Variants in UNC5D observed in about 807,000 individuals in gnomAD.
UNC5D encodes the protein netrin receptor UNC5D.
Under a neutral mutation model 105.4 loss-of-function variants are expected in UNC5D, and 39 were observed. The observed-to-expected ratio is 0.37, with a 90% CI of 0.29 to 0.48. The LOEUF is 0.48. UNC5D is among the 20% of genes least tolerant of loss of function. The probability of loss-of-function intolerance (pLI) is 0.98; values close to 1 mark genes in which losing one functional copy is unlikely to be tolerated. For missense variants in UNC5D, 991 were observed against 1,202.4 expected (o/e 0.82, Z 2.60); for synonymous variants, 452 against 450.4 (o/e 1.00, Z -0.04).
chr8:35,248,890 A>G (rs1284778410), intron 1 of UNC5D, among the ~76,000 whole-genome samples: 2 of 93,834 alleles, frequency 2.1e-5, no homozygotes, highest in East Asian at 3.2e-4. Flanking sequence ...AATATATTAT[A>G]TAAATATATA....
At chr8:35,249,140 T>C (rs1222400097) in intron 1 of UNC5D, among the ~76,000 whole-genome samples, 1 of 135,678 alleles carries the variant, frequency 7.4e-6, no homozygotes, top group Non-Finnish European at 1.5e-5. Flanking sequence ...TATATAATTA[T>C]ATATAAAATC....
chr8:35,737,934 C>T (rs1463168858), intron 11 of UNC5D, among the ~76,000 whole-genome samples: 2 of 152,036 alleles, frequency 1.3e-5, no homozygotes, highest in African/African-American at 4.8e-5. Flanking sequence ...TGGAAAAACC[C>T]AGTCTCTACT....
rs1803358570 is a variant in UNC5D, at chr8:35,385,810, T to A, written c.103+149923T>A. Among the ~76,000 whole-genome samples, 2 of 152,154 alleles carry A rather than the reference T, an allele frequency of 1.3e-5. 1 individual carries two copies. The highest frequency in any genetic ancestry group is 4.1e-4 in the South Asian group (2 of 4,820). On this transcript the variant is annotated intron_variant, in intron 1 of 16. Transcript: ENST00000404895. ...ACAACAGTAGGCACTTTCTTCAGAT[T>A]TATGCAGAAATTTAGTTAATAAAGA...
chr8:35,453,842 C>T (rs1427858909), intron 1 of UNC5D, among the ~76,000 whole-genome samples: 1 of 152,120 alleles, frequency 6.6e-6, no homozygotes, highest in Non-Finnish European at 1.5e-5. Context: ...CTTCCTTTAG[C>T]TGGAGTATAA....
At chr8:35,597,116 G>A (rs759172067) in intron 4 of UNC5D, among the ~76,000 whole-genome samples, 2 of 152,162 alleles carry the variant, frequency 1.3e-5, no homozygotes, top group Non-Finnish European at 2.9e-5. Flanking sequence ...CAAAAAAGGA[G>A]ATAAAATAAA....
intron 4 of UNC5D, among the ~76,000 whole-genome samples, chr8:35,645,918 T>TACACAC (rs148598526): frequency 2.0e-5 from 3 of 150,342 alleles, no homozygotes; most frequent in African/African-American, 4.9e-5. Flanking sequence ...TCCTTTAGAT[T>TACACAC]ACACACACAC....
chr8:35,674,411 G>T (rs1294233429), intron 4 of UNC5D, among the ~76,000 whole-genome samples: 1 of 152,008 alleles, frequency 6.6e-6, no homozygotes, highest in African/African-American at 2.4e-5. Context: ...GTTTGTGTAT[G>T]TGTGTGTGTA....
intron 1 of UNC5D, among the ~76,000 whole-genome samples, chr8:35,460,459 A>G (rs1244461101): frequency 2.0e-5 from 3 of 152,200 alleles, no homozygotes; most frequent in Non-Finnish European, 4.4e-5. Context: ...TGGAAATTAC[A>G]CCAGGACCAC....
chr8:35,659,934 A>C (rs1824009931), intron 4 of UNC5D, among the ~76,000 whole-genome samples: 1 of 152,220 alleles, frequency 6.6e-6, no homozygotes, highest in Non-Finnish European at 1.5e-5. Flanking sequence ...AGTCAGCTTC[A>C]AGGACAAGAA....
intron 1 of UNC5D, among the ~76,000 whole-genome samples, chr8:35,490,795 T>G (rs1811164469): frequency 6.6e-6 from 1 of 152,216 alleles, no homozygotes; most frequent in African/African-American, 2.4e-5. Context: ...GGTTTTGAGC[T>G]GTTTGTTATT....
chr8:35,413,292 T>TGTTGTGTGTG (rs56157732), intron 1 of UNC5D, among the ~76,000 whole-genome samples: 1,703 of 128,004 alleles, frequency 0.013, 15 homozygotes, highest in Middle Eastern at 0.021. Context: ...TGTGTGTGTG[T>TGTTGTGTGTG]TGTGTGTGTG....
At chr8:35,535,298 C>G (rs1031573065) in intron 1 of UNC5D, among the ~76,000 whole-genome samples, 5 of 152,080 alleles carry the variant, frequency 3.3e-5, no homozygotes, top group South Asian at 2.1e-4. Flanking sequence ...TAAACTTACT[C>G]TATTACAGTG....
At chr8:35,465,165 C>T (rs1809207501) in intron 1 of UNC5D, among the ~76,000 whole-genome samples, 1 of 152,170 alleles carries the variant, frequency 6.6e-6, no homozygotes, top group Non-Finnish European at 1.5e-5. Context: ...CAGAGCTGGG[C>T]AGATTGTTTG....
intron 1 of UNC5D, among the ~76,000 whole-genome samples, chr8:35,466,670 G>C (rs894908203): frequency 6.6e-6 from 1 of 152,134 alleles, no homozygotes; most frequent in African/African-American, 2.4e-5. Flanking sequence ...AATGAGAAAA[G>C]TTTGGATTTC....
intron 11 of UNC5D, among the ~76,000 whole-genome samples, chr8:35,738,796 C>T (rs1196199079): frequency 1.3e-5 from 2 of 152,220 alleles, no homozygotes; most frequent in African/African-American, 4.8e-5. Context: ...ACTTTTCTCC[C>T]TGTCCATTTT....
At chr8:35,704,910 T>C (rs540426806) in intron 7 of UNC5D, among the ~76,000 whole-genome samples, 26 of 151,664 alleles carry the variant, frequency 1.7e-4, no homozygotes, top group East Asian at 7.8e-4. Context: ...ACTGGGGGCA[T>C]TGAGAAAATT....
chr8:35,605,953 T>G (rs1003391924), intron 4 of UNC5D, among the ~76,000 whole-genome samples: 6 of 152,040 alleles, frequency 3.9e-5, no homozygotes, highest in Non-Finnish European at 7.4e-5. Context: ...AAAGTTCTCC[T>G]GTACCTTCCC....
intron 7 of UNC5D, among the ~76,000 whole-genome samples, chr8:35,700,908 G>A (rs1827151228): frequency 6.6e-6 from 1 of 152,126 alleles, no homozygotes; most frequent in Non-Finnish European, 1.5e-5. Context: ...GATACAAAAG[G>A]CAGACTATTC....
intron 1 of UNC5D, among the ~76,000 whole-genome samples, chr8:35,486,018 T>G (rs1307829251): frequency 6.6e-6 from 1 of 152,176 alleles, no homozygotes; most frequent in Non-Finnish European, 1.5e-5. Flanking sequence ...TCCTAATGCT[T>G]TAAATGTCAC....
Sources: gnomAD v4.1 joint callset for allele counts (sites outside exome capture counted in the v4.1 genomes callset) on GRCh38, gnomAD v4.1.1 for gene constraint, MANE v1.5 for transcripts, NCBI Gene and HGNC (gene_info 2026-07-23, HGNC 2026-07-21) for gene names.